The following NOD2 variants were observed in gnomAD, a reference collection of about 807,000 sequenced individuals.
The protein encoded by NOD2 is nucleotide binding oligomerization domain containing 2.
In NOD2, 86 loss-of-function variants were observed where a neutral mutation model predicts 90.9. The ratio of observed to expected loss-of-function variants is 0.95; its 90% CI spans 0.79 to 1.13. The LOEUF (loss-of-function observed/expected upper bound fraction) is 1.13, where lower values mean the gene tolerates loss of function less well. Ranked by LOEUF, NOD2 falls within the 50% of genes most tolerant of loss-of-function variation. NOD2 has a pLI of 0.00. For missense variants in NOD2, 1,238 were observed against 1,283.8 expected, an observed-to-expected ratio of 0.96 and a Z score of 0.55; for synonymous variants, 581 against 554.6, an observed-to-expected ratio of 1.05 and a Z score of -0.67.
chr16:50,727,690 T>C, intron 10 of NOD2: 1 of 371,438 alleles, frequency 2.7e-6, no homozygotes, highest in Non-Finnish European at 5.5e-6. Flanking sequence ...CATTCAACTT[T>C]TGAAGCTTTG....
At chr16:50,702,073 G>A (rs928381401) in intron 2 of NOD2, among the ~76,000 whole-genome samples, 1 of 152,118 alleles carries the variant, frequency 6.6e-6, no homozygotes. Context: ...AGCCTTCCAA[G>A]TAGGTGGGAC....
intron 2 of NOD2, among the ~76,000 whole-genome samples, chr16:50,703,513 C>T (rs976266419): frequency 6.6e-6 from 1 of 151,912 alleles, no homozygotes; most frequent in East Asian, 1.9e-4. Context: ...GTGGCATGTG[C>T]CTGTAGTCCC....
At chr16:50,726,757 C>A in intron 10 of NOD2, among the ~76,000 whole-genome samples, 1 of 152,206 alleles carries the variant, frequency 6.6e-6, no homozygotes, top group East Asian at 1.9e-4. Flanking sequence ...TCATCCCCCA[C>A]AAAAATTGAA....
At chr16:50,720,579 A>C (rs964588197) in intron 7 of NOD2, among the ~76,000 whole-genome samples, 15 of 152,206 alleles carry the variant, frequency 9.9e-5, no homozygotes, top group African/African-American at 3.6e-4. Context: ...CCCAACCTGC[A>C]GCCCCAGGGT....
chr16:50,717,914 G>A (rs1964872717), intron 6 of NOD2, among the ~76,000 whole-genome samples: 1 of 152,202 alleles, frequency 6.6e-6, no homozygotes, highest in African/African-American at 2.4e-5. Flanking sequence ...CCCAGTGGAT[G>A]CCTGAAACCA....
rs550865904 is a variant in NOD2 at position 50,704,380 on chromosome 16, C to T, written c.460-3475C>T. Among the ~76,000 whole-genome samples the T allele has an allele frequency of 3.5e-3, 535 of 152,276 alleles. 5 individuals carry two copies. The highest frequency in any genetic ancestry group is 0.012 in the African/African-American group (515 of 41,554). On this transcript the variant is annotated intron_variant, in intron 2 of 11. Coordinates refer to ENST00000647318, the MANE Select transcript of NOD2 (RefSeq NM_001370466.1). Reference sequence around the variant, plus strand: ...AATGAATGTATGAAAGTTAAAATTTCTGAGGTCTCACATGTCTTAAAGTTC... The same window carrying T: ...AATGAATGTATGAAAGTTAAAATTTTTGAGGTCTCACATGTCTTAAAGTTC...
chr16:50,709,903 GA>G (rs1350108709), intron 3 of NOD2: 2 of 452,506 alleles, frequency 4.4e-6, no homozygotes, highest in Non-Finnish European at 8.9e-6. Flanking sequence ...GCTGCCTCCT[GA>G]AAAAATCCTT....
rs1379483708 is a variant in NOD2, at chr16:50,732,764, C to G, written c.*945C>G. 3 of 152,310 alleles carry G rather than the reference C, an allele frequency of 2.0e-5. No homozygotes were observed. Among genetic ancestry groups the G allele is most frequent in the African/African-American group, 7.2e-5 (3 of 41,426 alleles). 9.4% of individuals were successfully genotyped at this position (152,310 alleles called of 1,614,324 possible). A position where few individuals can be genotyped will look rare whatever the true frequency, so the allele number is the denominator to read the frequency against. On this transcript the variant is annotated 3_prime_UTR_variant, in exon 12 of 12. Transcript: ENST00000647318. ...ACTTCTGAAATAGACCCACAAGAGG[C>G]AGTTCCATTTCATTTGTGCCAGAAT...
chr16:50,699,837 T>C lies in NOD2; in HGVS notation c.342T>C (p.Ile114=), dbSNP rs772861513. 6.2e-7 allele frequency: 1 copy of C among 1,613,552 alleles called. No homozygotes were observed. The highest frequency in any genetic ancestry group is 1.1e-5 in the South Asian group (1 of 91,080). ...ARDLQSHRPA[I]VRRLHSHVEN... is the part of the protein sequence containing the mutation. ...ACCTGCAGAGTCACCGGCCAGCCAT[T>C]GTCAGGAGGCTCCACAGCCATGTGG... The change falls in exon 2 of 12, where the codon ATT becomes ATC. Residue 114 remains isoleucine, a synonymous_variant. Transcript: ENST00000647318.
chr16:50,720,242 G>C (rs5743287), intron 7 of NOD2, among the ~76,000 whole-genome samples: 1,744 of 152,250 alleles, frequency 0.011, 39 homozygotes, highest in African/African-American at 0.04. Flanking sequence ...CCCACGAGCT[G>C]GTGACAGGAA....
chr16:50,723,094 A>T (rs1476555232), intron 8 of NOD2, among the ~76,000 whole-genome samples: 1 of 151,748 alleles, frequency 6.6e-6, no homozygotes, highest in Non-Finnish European at 1.5e-5. Context: ...CTAAAAAAAA[A>T]AAAAAAAGAG....
At position 50,727,227 on chromosome 16, in the gene NOD2, C is replaced by T. The variant is rs1368820890; in HGVS notation, c.2885+1655C>T. Among the ~76,000 whole-genome samples the T allele has an allele frequency of 3.3e-5, 5 of 151,896 alleles. No homozygotes were observed. In the East Asian group the frequency reaches 9.6e-4, roughly 29 times the overall value. On this transcript the variant is annotated intron_variant, in intron 10 of 11. Transcript: ENST00000647318. Reference sequence around the variant, plus strand: ...CCAGACAGCCTGGGTCTTACCCCTGCTCCACCATTACCAGCCAGTTCTTCT... The same window carrying T: ...CCAGACAGCCTGGGTCTTACCCCTGTTCCACCATTACCAGCCAGTTCTTCT...
chr16:50,731,171 TAAA>T (rs1026952474), intron 11 of NOD2, among the ~76,000 whole-genome samples: 2 of 152,104 alleles, frequency 1.3e-5, no homozygotes, highest in Non-Finnish European at 2.9e-5. Context: ...CTTAAAAAAA[TAAA>T]AAATTTAAAA....
chr16:50,725,379 C>A, intron 9 of NOD2, 110 bp from the exon 10 acceptor site: 1 of 795,218 alleles, frequency 1.3e-6, no homozygotes, highest in Non-Finnish European at 2.2e-6. Context: ...TTTCTTTATC[C>A]ATGAGTTTGG....
At chr16:50,715,638 G>T (rs538479821) in intron 4 of NOD2, 1 of 152,074 alleles carries the variant, frequency 6.6e-6, no homozygotes, top group Admixed American at 6.5e-5. Context: ...GGATGGTCTC[G>T]ATCTCCTGAC....
In NOD2 at chr16:50,710,753, T is replaced by A; in HGVS notation, c.761T>A (p.Leu254His). ...CCAGCCACCCTGGGCCTGGAGGAGC[T>A]CTTCAGCACCCCTGGCCACCTCAAT... The part of the protein sequence containing the change: ...KSPATLGLEE[L>H]FSTPGHLNDD... Residue 254 changes from leucine (L) to histidine (H), a missense_variant, in exon 4 of 12, where the codon CTC (leucine) becomes CAC (histidine). This residue lies in a region of NOD2 where 567 missense variants were observed against 577.3 expected (regional missense o/e 0.98). Transcript: ENST00000647318. The A allele has an allele frequency of 6.2e-7, 1 of 1,613,982 alleles. No individual in the cohort carries two copies. The highest frequency in any genetic ancestry group is 1.3e-5 in the African/African-American group (1 of 75,014).
chr16:50,695,612 T>C (rs1008326571), intron 1 of NOD2, among the ~76,000 whole-genome samples: 2 of 152,066 alleles, frequency 1.3e-5, no homozygotes, highest in Non-Finnish European at 2.9e-5. Flanking sequence ...TGGAGTGATA[T>C]GGAGAAGAGA....
intron 1 of NOD2, chr16:50,697,373 T>G: frequency 6.8e-7 from 1 of 1,464,518 alleles, no homozygotes; most frequent in African/African-American, 1.4e-5. Flanking sequence ...CTTTCATCCT[T>G]GGCCGCGACA....
At chr16:50,695,279 ATT>A (rs1212258624) in intron 1 of NOD2, among the ~76,000 whole-genome samples, 1 of 152,096 alleles carries the variant, frequency 6.6e-6, no homozygotes, top group Non-Finnish European at 1.5e-5. Flanking sequence ...AAAACCAGAC[ATT>A]CAGATTTGGG....
Sources: gnomAD v4.1 joint callset for allele counts (sites outside exome capture counted in the v4.1 genomes callset) on GRCh38, gnomAD v4.1.1 for gene constraint, gnomAD v4.1.1 regional missense constraint, MANE v1.5 for transcripts, NCBI Gene and HGNC (gene_info 2026-07-23, HGNC 2026-07-21) for gene names.